Variants in MAP3K7 observed in about 807,000 individuals in gnomAD.
MAP3K7 encodes the protein mitogen-activated protein kinase kinase kinase 7.
A neutral mutation model predicts 84.8 loss-of-function variants in MAP3K7; 21 were observed. That is an observed-to-expected ratio of 0.25 (90% CI 0.18 to 0.36). MAP3K7 has a LOEUF of 0.36. MAP3K7 is among the 10% of genes least tolerant of loss of function. The pLI, the probability that MAP3K7 is intolerant of heterozygous loss-of-function variation, is 1.00. For missense variants in MAP3K7, 503 were observed against 747.7 expected, an observed-to-expected ratio of 0.67 and a Z score of 3.82; for synonymous variants, 241 against 247.7, an observed-to-expected ratio of 0.97 and a Z score of 0.25.
Position 90,559,405 on chromosome 6 carries a change from C to T in MAP3K7, c.482+671G>A, listed in dbSNP as rs372704089. On this transcript the variant is annotated intron_variant, in intron 5 of 16. Transcript: ENST00000369329. ...GCTTGGGGGGAGGGTAAAGAAGATA[C>T]GTGGAGACTATTTTTACTGTGTCAC... 1.1e-4 allele frequency among the ~76,000 whole-genome samples: 17 copies of T among 151,394 alleles called. 1 individual carries two copies. The highest frequency in any genetic ancestry group is 4.2e-4 in the South Asian group (2 of 4,786).
Position 90,561,678 on chromosome 6 carries a change from C to T in MAP3K7, c.298-11G>A. The T allele has an allele frequency of 1.9e-6, 3 of 1,605,906 alleles. No homozygotes were observed. The highest frequency in any genetic ancestry group is 2.6e-6 in the Non-Finnish European group (3 of 1,172,996). ...CATCACAAGACACACCTAAAGGAAACATATATCAGAAGCATTAACCAAGAA... is the reference window on the plus strand; with the variant it reads ...CATCACAAGACACACCTAAAGGAAATATATATCAGAAGCATTAACCAAGAA... On this transcript the variant is annotated splice_polypyrimidine_tract_variant and intron_variant, in intron 3 of 16. Coordinates refer to ENST00000369329, the MANE Select transcript of MAP3K7 (RefSeq NM_145331.3).
At position 90,515,237 on chromosome 6, in the gene MAP3K7, G is replaced by T. The variant is rs1302525131; in HGVS notation, c.*1264C>A. 1 of 151,846 alleles carries T rather than the reference G, an allele frequency of 6.6e-6. No homozygotes were observed. 9.4% of individuals were successfully genotyped at this position (151,846 alleles called of 1,614,324 possible). ...GACATCCTTATTTAAAAGACATCTTGTACTGGTATCAAAATGTGACTTATT... is the reference window on the plus strand; with the variant it reads ...GACATCCTTATTTAAAAGACATCTTTTACTGGTATCAAAATGTGACTTATT... On this transcript the variant is annotated 3_prime_UTR_variant, in exon 17 of 17. Transcript: ENST00000369329.
rs1249459933 is a variant in MAP3K7 at position 90,514,660 on chromosome 6, A to G, written c.*1841T>C. 1 of 152,030 alleles carries G rather than the reference A, an allele frequency of 6.6e-6. No individual in the cohort carries two copies. The highest frequency in any genetic ancestry group is 1.5e-5 in the Non-Finnish European group (1 of 67,960). The allele number at this position is 152,030 out of a possible 1,614,324, so 9.4% of individuals were successfully genotyped here. ...ATCAAGCCTTAGCATTCACGCTTGG[A>G]TATCTCGTGCTGAGATAAAAGGCCT... is the stretch of plus-strand genomic sequence containing the variant. On this transcript the variant is annotated 3_prime_UTR_variant, in exon 17 of 17. Coordinates refer to ENST00000369329, the MANE Select transcript of MAP3K7 (RefSeq NM_145331.3).
intron 12 of MAP3K7, among the ~76,000 whole-genome samples, chr6:90,542,718 T>C (rs535231201): frequency 7.2e-5 from 11 of 152,104 alleles, no homozygotes; most frequent in Non-Finnish European, 1.2e-4. Context: ...GATAACCTAG[T>C]TGTAAGATTG....
intron 11 of MAP3K7, 101 bp from the exon 12 acceptor site, chr6:90,544,733 T>C: frequency 1.1e-6 from 1 of 937,952 alleles, no homozygotes; most frequent in Non-Finnish European, 1.7e-6. Flanking sequence ...ATAGTTCATG[T>C]TAATAACATT....
intron 7 of MAP3K7, among the ~76,000 whole-genome samples, chr6:90,552,846 T>C (rs917505660): frequency 6.6e-6 from 1 of 152,192 alleles, no homozygotes; most frequent in African/African-American, 2.4e-5. Flanking sequence ...ACTTAAGATA[T>C]GAGCATTCAA....
chr6:90,586,708 C>T, intron 1 of MAP3K7, 56 bp downstream of exon 1: 1 of 1,543,640 alleles, frequency 6.5e-7, no homozygotes, highest in Non-Finnish European at 8.7e-7. Context: ...CGGCACCAGG[C>T]AGAGGCGGGG....
At chr6:90,520,231 T>A (rs183643895) in intron 14 of MAP3K7, among the ~76,000 whole-genome samples, 2 of 152,128 alleles carry the variant, frequency 1.3e-5, no homozygotes, top group East Asian at 3.9e-4. Flanking sequence ...TCAGCCTTTT[T>A]CTGACGAATA....
chr6:90,544,785 T>C (rs1035664259), intron 11 of MAP3K7, among the ~76,000 whole-genome samples, 153 bp from the exon 12 acceptor site: 4 of 152,106 alleles, frequency 2.6e-5, no homozygotes, highest in Non-Finnish European at 5.9e-5. Context: ...TTTTCATCCA[T>C]GCTCAGAAAA....
At chr6:90,574,814 T>C (rs1265248627) in intron 1 of MAP3K7, among the ~76,000 whole-genome samples, 2 of 152,200 alleles carry the variant, frequency 1.3e-5, no homozygotes, top group Admixed American at 1.3e-4. Context: ...TGTGGTCAAA[T>C]GAGGACATGA....
At chr6:90,533,503 A>G (rs1246369542) in intron 13 of MAP3K7, among the ~76,000 whole-genome samples, 1 of 152,200 alleles carries the variant, frequency 6.6e-6, no homozygotes, top group African/African-American at 2.4e-5. Flanking sequence ...GCTGTCAGAA[A>G]GCAAGGGCAA....
chr6:90,553,321 A>T, intron 7 of MAP3K7, 137 bp downstream of exon 7: 1 of 874,406 alleles, frequency 1.1e-6, no homozygotes, highest in Non-Finnish European at 1.7e-6. Context: ...GTCTGATAAT[A>T]GCAAAGCAGT....
intron 13 of MAP3K7, among the ~76,000 whole-genome samples, chr6:90,535,235 C>CT (rs1192291966): frequency 6.6e-6 from 1 of 151,774 alleles, no homozygotes; most frequent in Non-Finnish European, 1.5e-5. Context: ...GTATAAAAGA[C>CT]TTTTTTATTA....
chr6:90,526,245 G>A (rs9353742), intron 13 of MAP3K7, among the ~76,000 whole-genome samples: 4,106 of 152,066 alleles, frequency 0.027, 67 homozygotes, highest in Middle Eastern at 0.044. Context: ...TAAAAAACAA[G>A]CTTAATCTAA....
chr6:90,547,537 AG>A, intron 10 of MAP3K7, 150 bp from the exon 11 acceptor site: 1 of 793,710 alleles, frequency 1.3e-6, no homozygotes, highest in South Asian at 1.8e-5. Context: ...AGGGAGCTAC[AG>A]GGGTAAGGGA....
chr6:90,556,612 A>G lies in MAP3K7; in HGVS notation c.495T>C (p.Val165=), dbSNP rs749894607. 1.4e-5 allele frequency: 23 copies of G among 1,605,042 alleles called. No individual in the cohort carries two copies. In the African/African-American group the frequency reaches 2.7e-4, roughly 19 times the overall value. Residue 165 remains valine, a synonymous_variant, in exon 6 of 17, where the codon GTT becomes GTC. Coordinates refer to ENST00000369329, the MANE Select transcript of MAP3K7 (RefSeq NM_145331.3). ...RDLKPPNLLL[V]AGGTVLKICD... is the part of the protein sequence containing the mutation. ...AAATTTTTAGAACTGTCCCCCCTGC[A>G]ACCAGCAGTAAGCTGTTTAAAAAAA...
intron 1 of MAP3K7, 108 bp from the exon 2 acceptor site, chr6:90,571,915 TAAA>T (rs35467094): frequency 5.7e-4 from 226 of 394,952 alleles, no homozygotes; most frequent in South Asian, 1.7e-3. Context: ...GACTTTAAAT[TAAA>T]AAAAAAAAAA....
rs192663573 is a variant in MAP3K7, at chr6:90,547,469, C to T, written c.1081-82G>A. 2.6e-4 allele frequency: 374 copies of T among 1,455,912 alleles called. 1 individual carries two copies. The African/African-American group carries it at 4.9e-3, about 19-fold the overall frequency. The allele number at this position is 1,455,912 out of a possible 1,614,324, so 90.2% of individuals were successfully genotyped here. A position where few individuals can be genotyped will look rare whatever the true frequency, so the allele number is the denominator to read the frequency against. Reference sequence around the variant, plus strand: ...AGGCAACCTAAAAGGAGGAAGATGGCAAATGGGATTCTGATAGATCCTGTT... The same window carrying T: ...AGGCAACCTAAAAGGAGGAAGATGGTAAATGGGATTCTGATAGATCCTGTT... On this transcript the variant is annotated intron_variant, in intron 10 of 16. Coordinates refer to ENST00000369329, the MANE Select transcript of MAP3K7 (RefSeq NM_145331.3).
chr6:90,574,607 G>A (rs9345033), intron 1 of MAP3K7, among the ~76,000 whole-genome samples: 6,031 of 152,174 alleles, frequency 0.04, 151 homozygotes, highest in African/African-American at 0.065. Context: ...CACAGCAACT[G>A]GTACTTACTA....
Sources: gnomAD v4.1 joint callset for allele counts (sites outside exome capture counted in the v4.1 genomes callset) on GRCh38, gnomAD v4.1.1 for gene constraint, MANE v1.5 for transcripts, NCBI Gene and HGNC (gene_info 2026-07-23, HGNC 2026-07-21) for gene names.